Variants in TBC1D31 observed in about 807,000 individuals in gnomAD.
The protein encoded by TBC1D31 is WD repeat domain 67.
TBC1D31 carries 99 observed loss-of-function variants against 132.9 expected under a neutral mutation model. The ratio of observed to expected loss-of-function variants is 0.74; its 90% CI spans 0.63 to 0.88. The LOEUF is 0.88. TBC1D31 is among the 40% of genes least tolerant of loss of function. The probability of loss-of-function intolerance (pLI) is 0.00; values close to 1 mark genes in which losing one functional copy is unlikely to be tolerated. For missense variants in TBC1D31, 1,134 were observed against 1,256.6 expected (o/e 0.90, Z 1.48); for synonymous variants, 385 against 419.4 (o/e 0.92, Z 1.00).
At chr8:123,159,285 A>G in the TBC1D31 span, among the ~76,000 whole-genome samples, 59 of 109,262 alleles carry the variant, frequency 5.4e-4, no homozygotes, top group East Asian at 2.3e-3. Flanking sequence ...AAAAAAAAAG[A>G]AAAAGAAAAA....
Position 123,114,456 on chromosome 8 carries a change from G to A in TBC1D31, c.1436+4836G>A, listed in dbSNP as rs569965344. 1.1e-4 allele frequency among the ~76,000 whole-genome samples: 17 copies of A among 152,026 alleles called. 1 individual carries two copies. The South Asian group carries it at 2.7e-3, about 24-fold the overall frequency. Reference sequence around the variant, plus strand: ...CTGCTTCAGCCTCCAGAGTAGCTGGGACTACAGGCACCCCCCACCACACCT... The same window carrying A: ...CTGCTTCAGCCTCCAGAGTAGCTGGAACTACAGGCACCCCCCACCACACCT... On this transcript the variant is annotated intron_variant, in intron 10 of 21. Coordinates refer to ENST00000287380, the MANE Select transcript of TBC1D31 (RefSeq NM_145647.4).
At chr8:123,079,807 A>G (rs1462770981) in intron 2 of TBC1D31, among the ~76,000 whole-genome samples, 2 of 152,106 alleles carry the variant, frequency 1.3e-5, no homozygotes, top group Non-Finnish European at 2.9e-5. Context: ...TCCCCATTGC[A>G]GCCTCAAGTA....
At chr8:123,153,863 T>A (rs1229680706), downstream of TBC1D31, among the ~76,000 whole-genome samples, 2 of 152,230 alleles carry the variant, frequency 1.3e-5, no homozygotes, top group Non-Finnish European at 2.9e-5. Flanking sequence ...CCATAAAGTT[T>A]CTCTCTGGTG....
intron 2 of TBC1D31, among the ~76,000 whole-genome samples, chr8:123,081,948 T>C (rs182466509): frequency 6.6e-6 from 1 of 152,324 alleles, no homozygotes; most frequent in Admixed American, 6.5e-5. Context: ...CCAAAGCGTA[T>C]CATATATTAT....
chr8:123,111,099 T>G (rs1195478045), intron 10 of TBC1D31, among the ~76,000 whole-genome samples: 2 of 152,156 alleles, frequency 1.3e-5, no homozygotes, highest in East Asian at 3.9e-4. Context: ...AGGTTTTTTT[T>G]TTCCCCCCTT....
chr8:123,138,759 T>A (rs920420997), intron 17 of TBC1D31, among the ~76,000 whole-genome samples: 12 of 152,296 alleles, frequency 7.9e-5, no homozygotes, highest in African/African-American at 2.9e-4. Context: ...TGTATTTTCT[T>A]TGGAGATAGT....
At chr8:123,084,935 A>G (rs888038869) in intron 4 of TBC1D31, among the ~76,000 whole-genome samples, 4 of 152,094 alleles carry the variant, frequency 2.6e-5, no homozygotes, top group African/African-American at 9.6e-5. Flanking sequence ...GACTACAGGC[A>G]TGTACCACCA....
At chr8:123,074,944 A>G (rs111382671) in intron 1 of TBC1D31, 12 of 152,360 alleles carry the variant, frequency 7.9e-5, no homozygotes, top group African/African-American at 2.9e-4. Context: ...GAGAATCTGA[A>G]AGGAAGTTGC....
intron 10 of TBC1D31, among the ~76,000 whole-genome samples, chr8:123,110,274 A>C (rs2385165): frequency 0.27 from 40,967 of 152,036 alleles, 5,658 homozygotes; most frequent in Admixed American, 0.34. Context: ...GACTATTGGG[A>C]AAGTTAGATG....
At chr8:123,083,897 C>T in intron 3 of TBC1D31, 1 of 356,364 alleles carries the variant, frequency 2.8e-6, no homozygotes, top group Non-Finnish European at 5.1e-6. Context: ...AAGAGAAAGC[C>T]CAAACTCACT....
At chr8:123,115,153 T>C (rs1818796541) in intron 10 of TBC1D31, among the ~76,000 whole-genome samples, 1 of 152,252 alleles carries the variant, frequency 6.6e-6, no homozygotes, top group South Asian at 2.1e-4. Context: ...CTCAGAAAAT[T>C]CTGCCAACCC....
intron 4 of TBC1D31, among the ~76,000 whole-genome samples, chr8:123,085,935 G>A (rs923423524): frequency 6.6e-6 from 1 of 152,112 alleles, no homozygotes; most frequent in Non-Finnish European, 1.5e-5. Flanking sequence ...TCTTTTAACA[G>A]ACAAGCCACA....
chr8:123,131,630 C>T (rs998026213), intron 16 of TBC1D31, among the ~76,000 whole-genome samples: 4 of 152,042 alleles, frequency 2.6e-5, no homozygotes, highest in Admixed American at 1.3e-4. Flanking sequence ...TTGGACATTT[C>T]GGTTATTTGC....
the TBC1D31 span, among the ~76,000 whole-genome samples, chr8:123,159,268 G>GAAAAAAA: frequency 7.5e-5 from 7 of 93,798 alleles, no homozygotes; most frequent in South Asian, 3.5e-4. Flanking sequence ...ATTTGAACAG[G>GAAAAAAA]AAAAAAAAAA....
intron 11 of TBC1D31, among the ~76,000 whole-genome samples, chr8:123,124,704 G>A (rs545938771): frequency 6.6e-6 from 1 of 151,594 alleles, no homozygotes; most frequent in East Asian, 1.9e-4. Context: ...AAGGTGGGTG[G>A]ATCAACTGAG....
At chr8:123,132,284 C>T (rs2130831024) in intron 16 of TBC1D31, among the ~76,000 whole-genome samples, 1 of 151,168 alleles carries the variant, frequency 6.6e-6, no homozygotes, top group South Asian at 2.1e-4. Context: ...AATTGTTTCA[C>T]TTTTGGAATT....
chr8:123,140,629 C>T (rs1373059401), intron 17 of TBC1D31, 132 bp from the exon 18 acceptor site: 4 of 747,740 alleles, frequency 5.3e-6, no homozygotes, highest in African/African-American at 1.8e-5. Flanking sequence ...TGTCTCCAGT[C>T]GTTGAATTTT....
At chr8:123,129,411 A>G (rs1443815037) in intron 15 of TBC1D31, among the ~76,000 whole-genome samples, 193 bp downstream of exon 15, 1 of 152,262 alleles carries the variant, frequency 6.6e-6, no homozygotes, top group Non-Finnish European at 1.5e-5. Context: ...GCTATGTAGT[A>G]AAATGTAATT....
At chr8:123,147,860 G>A (rs1822377160) in intron 20 of TBC1D31, among the ~76,000 whole-genome samples, 1 of 152,060 alleles carries the variant, frequency 6.6e-6, no homozygotes, top group Non-Finnish European at 1.5e-5. Context: ...CGGCGCGGTG[G>A]CTCACTCCTG....
Sources: allele counts gnomAD v4.1 joint callset (sites outside exome capture counted in the v4.1 genomes callset), GRCh38; gene constraint gnomAD v4.1.1; transcripts MANE v1.5; gene names NCBI Gene and HGNC (gene_info 2026-07-23, HGNC 2026-07-21).